The following TOGARAM1 variants were observed in gnomAD, a reference collection of about 807,000 sequenced individuals.
The protein encoded by TOGARAM1 is TOG array regulator of axonemal microtubules protein 1.
A neutral mutation model predicts 166.6 loss-of-function variants in TOGARAM1; 100 were observed. The ratio of observed to expected loss-of-function variants is 0.60; its 90% CI spans 0.51 to 0.71. The LOEUF (loss-of-function observed/expected upper bound fraction) is 0.71. TOGARAM1 is among the 30% of genes least tolerant of loss of function. The pLI, the probability that TOGARAM1 is intolerant of heterozygous loss-of-function variation, is 0.00. For synonymous variants in TOGARAM1, 758 were observed against 763.8 expected, an observed-to-expected ratio of 0.99 and a Z score of 0.13; for missense variants, 2,029 against 2,102.7, an observed-to-expected ratio of 0.96 and a Z score of 0.69.
At chr14:44,986,162 A>G (rs1052292327) in intron 1 of TOGARAM1, among the ~76,000 whole-genome samples, 1 of 152,234 alleles carries the variant, frequency 6.6e-6, no homozygotes, top group Non-Finnish European at 1.5e-5. Context: ...AGAAAAACCT[A>G]TGGTACAGCT....
At chr14:44,999,952 T>C (rs941114250) in intron 3 of TOGARAM1, among the ~76,000 whole-genome samples, 2 of 152,210 alleles carry the variant, frequency 1.3e-5, no homozygotes, top group Admixed American at 1.3e-4. Flanking sequence ...TATTGTGCTA[T>C]ACTGAGCACT....
intron 7 of TOGARAM1, among the ~76,000 whole-genome samples, chr14:45,018,765 A>G (rs1880310838): frequency 6.6e-6 from 1 of 152,196 alleles, no homozygotes; most frequent in East Asian, 1.9e-4. Context: ...ATTTTTCCAT[A>G]TTTATTTACA....
At chr14:44,979,588 C>T (rs944731950) in intron 1 of TOGARAM1, among the ~76,000 whole-genome samples, 2 of 152,210 alleles carry the variant, frequency 1.3e-5, no homozygotes, top group Admixed American at 1.3e-4. Context: ...ATAGCACTTA[C>T]TCTATGCCAG....
intron 7 of TOGARAM1, 64 bp downstream of exon 7, chr14:45,012,139 A>G (rs1879843984): frequency 1.9e-6 from 2 of 1,072,006 alleles, no homozygotes; most frequent in African/African-American, 3.2e-5. Context: ...GTAAAAAATG[A>G]TAGCAAGTGC....
chr14:44,966,510 AAG>A (rs1372264502), intron 1 of TOGARAM1, among the ~76,000 whole-genome samples: 2 of 152,082 alleles, frequency 1.3e-5, no homozygotes, highest in Non-Finnish European at 1.5e-5. Context: ...TAATTACAAA[AAG>A]AGTAATTTTA....
At chr14:45,062,859 G>A (rs968512784) in intron 16 of TOGARAM1, among the ~76,000 whole-genome samples, 2 of 152,074 alleles carry the variant, frequency 1.3e-5, no homozygotes, top group African/African-American at 2.4e-5. Flanking sequence ...ATTGCAAATC[G>A]AGGAGCATGA....
chr14:44,984,969 G>A (rs1427101077), intron 1 of TOGARAM1, among the ~76,000 whole-genome samples: 2 of 151,532 alleles, frequency 1.3e-5, no homozygotes, highest in Non-Finnish European at 2.9e-5. Context: ...ACCAACTTTT[G>A]TTTCCTGTCA....
At chr14:45,072,226 A>T (rs1030275849) in intron 19 of TOGARAM1, among the ~76,000 whole-genome samples, 14 of 152,204 alleles carry the variant, frequency 9.2e-5, no homozygotes, top group Admixed American at 6.5e-5. Flanking sequence ...CATAGAGGAC[A>T]TGCAGTGGGC....
chr14:45,003,532 T>A (rs1430020677), intron 3 of TOGARAM1, among the ~76,000 whole-genome samples: 1 of 152,180 alleles, frequency 6.6e-6, no homozygotes, highest in East Asian at 1.9e-4. Context: ...CTTGTTTTTT[T>A]AGTTTTTCAT....
intron 16 of TOGARAM1, among the ~76,000 whole-genome samples, chr14:45,056,323 A>G (rs1019881216): frequency 4.6e-5 from 7 of 152,144 alleles, no homozygotes; most frequent in African/African-American, 1.7e-4. Context: ...ATCAGCAAAC[A>G]GGGATAATTT....
chr14:45,044,763 T>C lies in TOGARAM1; in HGVS notation c.4047T>C (p.Gly1349=). 1 of 1,614,022 alleles carries C rather than the reference T, an allele frequency of 6.2e-7. No individual in the cohort carries two copies. Among genetic ancestry groups the C allele is most frequent in the Non-Finnish European group, 8.5e-7 (1 of 1,179,964 alleles). The part of the protein sequence containing the change: ...TTVKVLLHKA[G]ESNTFIREDV... ...TAAAAGTTTTGTTGCACAAGGCTGG[T>C]GAATCAAATACATTTATAAGAGAAG... The change falls in exon 13 of 20, where the codon GGT becomes GGC. Residue 1349 remains glycine (G), a synonymous_variant. Transcript: ENST00000361462.
chr14:45,069,788 G>A (rs552033482), intron 18 of TOGARAM1, among the ~76,000 whole-genome samples: 1 of 152,246 alleles, frequency 6.6e-6, no homozygotes, highest in East Asian at 1.9e-4. Context: ...AAATGGTACA[G>A]CCACTCTAGG....
rs183631164 is a variant in TOGARAM1 at position 44,972,276 on chromosome 14, T to G, written c.2046+7809T>G. On this transcript the variant is annotated intron_variant, in intron 1 of 19. Coordinates refer to ENST00000361462, the MANE Select transcript of TOGARAM1 (RefSeq NM_001308120.2). ...TAAATTTGTTAAAGTGTGTGTGTGT[T>G]TTTTTTTTGCGATAGAACGTGGTAT... 6.4e-4 allele frequency among the ~76,000 whole-genome samples: 97 copies of G among 150,986 alleles called. 1 individual carries two copies. In the East Asian group the frequency reaches 0.015, roughly 23 times the overall value.
rs776045986 is a variant in TOGARAM1 at position 45,028,264 on chromosome 14, A to G, written c.3593A>G (p.Glu1198Gly). Residue 1198 changes from glutamate to glycine, a missense_variant, in exon 10 of 20, where the codon GAA becomes GGA. Around this residue, in one of 2 missense-constraint regions of TOGARAM1, gnomAD observed 1,453 missense variants for 1,432.2 expected, o/e 1.01. Coordinates refer to ENST00000361462, the MANE Select transcript of TOGARAM1 (RefSeq NM_001308120.2). The part of the protein sequence containing the change: ...EKELFHNKDC[E>G]KKEKNSWERM... ...GAACTGTTTCACAATAAAGATTGTG[A>G]AAAGAAGGAAAAAAATTCCTGGGAA... 1.2e-6 allele frequency: 2 copies of G among 1,606,376 alleles called. No individual in the cohort carries two copies. Among genetic ancestry groups the G allele is most frequent in the Admixed American group, 3.5e-5 (2 of 57,674 alleles).
At chr14:45,008,142 AAAAC>A (rs1879571312) in intron 5 of TOGARAM1, 1 of 152,230 alleles carries the variant, frequency 6.6e-6, no homozygotes, top group African/African-American at 2.4e-5. Flanking sequence ...AAATGTAAAC[AAAAC>A]AGTTTATGTA....
chr14:45,011,124 GA>G (rs1213711331), intron 6 of TOGARAM1, among the ~76,000 whole-genome samples: 1 of 151,858 alleles, frequency 6.6e-6, no homozygotes, highest in Non-Finnish European at 1.5e-5. Context: ...CTTTCTTAAT[GA>G]AAAAAGGCCT....
chr14:45,034,489 TA>T (rs746593323), intron 11 of TOGARAM1, among the ~76,000 whole-genome samples: 38 of 152,132 alleles, frequency 2.5e-4, no homozygotes, highest in Non-Finnish European at 4.1e-4. Context: ...GGCATGCATG[TA>T]AATACATTTC....
At chr14:45,055,359 A>G (rs1323907607) in intron 16 of TOGARAM1, among the ~76,000 whole-genome samples, 5 of 152,088 alleles carry the variant, frequency 3.3e-5, no homozygotes, top group Admixed American at 6.6e-5. Flanking sequence ...TTGGTTGTAG[A>G]TATGTGGCTT....
chr14:44,991,429 T>C (rs1887130409), intron 1 of TOGARAM1, among the ~76,000 whole-genome samples: 1 of 152,216 alleles, frequency 6.6e-6, no homozygotes, highest in Non-Finnish European at 1.5e-5. Flanking sequence ...GGGAGCAATC[T>C]GAATGTTCCA....
Sources: allele counts gnomAD v4.1 joint callset (sites outside exome capture counted in the v4.1 genomes callset), GRCh38; gene constraint gnomAD v4.1.1; regional missense constraint gnomAD v4.1.1; transcripts MANE v1.5; gene names NCBI Gene and HGNC (gene_info 2026-07-23, HGNC 2026-07-21).